Variants in ABCB8 observed in about 807,000 individuals in gnomAD.
ABCB8 encodes the protein mitochondrial potassium channel ATP-binding subunit.
ABCB8 carries 52 observed loss-of-function variants against 73.0 expected under a neutral mutation model. That is an observed-to-expected ratio of 0.71 (90% CI 0.57 to 0.90). The LOEUF is 0.90. Ranked by LOEUF, ABCB8 falls within the 40% of genes least tolerant of loss-of-function variation. The probability of loss-of-function intolerance (pLI) is 0.00; values close to 1 mark genes in which losing one functional copy is unlikely to be tolerated. For synonymous variants in ABCB8, 428 were observed against 423.5 expected (o/e 1.01, Z -0.13); for missense variants, 909 against 974.6 (o/e 0.93, Z 0.90).
chr7:151,034,042 T>A, intron 2 of ABCB8, 125 bp downstream of exon 2: 4 of 1,301,244 alleles, frequency 3.1e-6, no homozygotes, highest in Non-Finnish European at 4.1e-6. Context: ...TAGCCAGGGG[T>A]CCAGGGGTGC....
At position 151,046,235 on chromosome 7, in the gene ABCB8, C is replaced by A; in HGVS notation, c.*886C>A. ...CCACCTGGAGCTCTCTGCTTCCTGC[C>A]CACAGTGCTGACGAGTACAGAGCTA... On this transcript the variant is annotated 3_prime_UTR_variant, in exon 16 of 16. Transcript: ENST00000358849. The A allele has an allele frequency of 6.6e-6, 1 of 152,492 alleles. No homozygotes were observed. 9.4% of individuals were successfully genotyped at this position (152,492 alleles called of 1,614,324 possible).
intron 9 of ABCB8, chr7:151,039,100 G>T (rs1796388299): frequency 6.6e-6 from 1 of 152,224 alleles, no homozygotes; most frequent in Non-Finnish European, 1.5e-5. Flanking sequence ...CTGGGAACAG[G>T]CCCGTAGCCT....
At chr7:151,031,298 GTC>G (rs1563284890) in intron 1 of ABCB8, 2 of 1,547,992 alleles carry the variant, frequency 1.3e-6, no homozygotes, top group Non-Finnish European at 1.7e-6. Context: ...GAGAGTAAGC[GTC>G]TCTATCTTTC....
chr7:151,033,170 C>A, intron 1 of ABCB8: 1 of 447,886 alleles, frequency 2.2e-6, no homozygotes, highest in South Asian at 1.6e-5. Context: ...TGAGCAAGTC[C>A]AGTGCCGGGC....
intron 9 of ABCB8, 66 bp from the exon 10 acceptor site, chr7:151,040,202 C>T (rs1796417207): frequency 1.3e-6 from 2 of 1,575,278 alleles, no homozygotes; most frequent in Non-Finnish European, 1.7e-6. Context: ...CCCACCGTGG[C>T]TTCCTTCCCC....
chr7:151,035,878 G>A lies in ABCB8; in HGVS notation c.928-4G>A. On this transcript the variant is annotated splice_region_variant and splice_polypyrimidine_tract_variant and intron_variant, in intron 6 of 15. Transcript: ENST00000358849. Reference sequence around the variant, plus strand: ...CCTTGTCCTGTTTCCTGGACTCCTTGCAGATCGCCAGGGCAATGGGCGTAG... The same window carrying A: ...CCTTGTCCTGTTTCCTGGACTCCTTACAGATCGCCAGGGCAATGGGCGTAG... 6.2e-7 allele frequency: 1 copy of A among 1,613,048 alleles called. No individual in the cohort carries two copies. The highest frequency in any genetic ancestry group is 2.2e-5 in the East Asian group (1 of 44,884).
At chr7:151,040,691 G>A (rs1363608819) in intron 11 of ABCB8, 57 bp downstream of exon 11, 1 of 1,600,730 alleles carries the variant, frequency 6.2e-7, no homozygotes. Context: ...TGAGGCGAGT[G>A]GATTCGGGGG....
intron 7 of ABCB8, 37 bp from the exon 8 acceptor site, chr7:151,036,036 C>T (rs780971233): frequency 6.2e-7 from 1 of 1,612,774 alleles, no homozygotes; most frequent in Non-Finnish European, 8.5e-7. Flanking sequence ...TCGTGCCAGC[C>T]CAGCTGCCTC....
chr7:151,036,175 G>A lies in ABCB8; in HGVS notation c.1111+5G>A. 6.2e-7 allele frequency: 1 copy of A among 1,600,762 alleles called. No individual in the cohort carries two copies. The highest frequency in any genetic ancestry group is 8.5e-7 in the Non-Finnish European group (1 of 1,170,484). On this transcript the variant is annotated splice_donor_5th_base_variant and intron_variant, in intron 8 of 15. Coordinates refer to ENST00000358849, the MANE Select transcript of ABCB8 (RefSeq NM_007188.5). ...TTTCCAACATCGCCTTCAACTGTGA[G>A]TGAGCCATTTGGGGGCTGGAGGGGC...
chr7:151,041,090 A>G lies in ABCB8; in HGVS notation c.1484-9A>G, dbSNP rs1796449141. 3 of 1,613,260 alleles carry G rather than the reference A, an allele frequency of 1.9e-6. No individual in the cohort carries two copies. The highest frequency in any genetic ancestry group is 2.5e-6 in the Non-Finnish European group (3 of 1,179,864). ...CCTGGCCTCCCTCCCTCTCAACCCA[A>G]TTCCCCAGGAAAGACCACCGTGGCT... On this transcript the variant is annotated splice_polypyrimidine_tract_variant and intron_variant, in intron 12 of 15. Coordinates refer to ENST00000358849, the MANE Select transcript of ABCB8 (RefSeq NM_007188.5).
Position 151,028,613 on chromosome 7 carries a change from A to G in ABCB8, c.95+3A>G, listed in dbSNP as rs750347204. 1 of 1,612,948 alleles carries G rather than the reference A, an allele frequency of 6.2e-7. No homozygotes were observed. The highest frequency in any genetic ancestry group is 1.1e-5 in the South Asian group (1 of 90,934). On this transcript the variant is annotated splice_donor_region_variant and intron_variant, in intron 1 of 15. Transcript: ENST00000358849. ...TTCCAGACATTCTCAGCTGTCAGGT[A>G]AAAACGGAAAAACCTACTCAGAGCG...
At chr7:151,036,850 C>A (rs769839568) in intron 9 of ABCB8, 2 of 757,460 alleles carry the variant, frequency 2.6e-6, no homozygotes, top group African/African-American at 3.4e-5. Flanking sequence ...GGGGCAGTGG[C>A]GCTGCAGCAG....
chr7:151,031,957 G>A (rs540923545), intron 1 of ABCB8, among the ~76,000 whole-genome samples: 83 of 152,200 alleles, frequency 5.5e-4, no homozygotes, highest in Admixed American at 2.6e-3. Flanking sequence ...GGCACATCTC[G>A]GCCTAAAAAT....
chr7:151,045,495 G>A lies in ABCB8; in HGVS notation c.*146G>A, dbSNP rs934000639. ...TGCTCCTGCTCACAATAAAGCCGGG[G>A]CCGAGCAGCTGGCAGGGGAGGCCAA... On this transcript the variant is annotated 3_prime_UTR_variant, in exon 16 of 16. Coordinates refer to ENST00000358849, the MANE Select transcript of ABCB8 (RefSeq NM_007188.5). 9.1e-7 allele frequency: 1 copy of A among 1,096,832 alleles called. No individual in the cohort carries two copies. Among genetic ancestry groups the A allele is most frequent in the Non-Finnish European group, 1.2e-6 (1 of 842,432 alleles). 67.9% of individuals were successfully genotyped at this position (1,096,832 alleles called of 1,614,324 possible). A position where few individuals can be genotyped will look rare whatever the true frequency, so the allele number is the denominator to read the frequency against.
At chr7:151,031,402 GGCCT>G (rs1477007940) in intron 1 of ABCB8, 2 of 1,392,834 alleles carry the variant, frequency 1.4e-6, no homozygotes, top group Non-Finnish European at 9.6e-7. Context: ...AAAAGGCACA[GGCCT>G]TCCTGAAAGC....
At chr7:151,037,632 G>C in intron 9 of ABCB8, 1 of 372,838 alleles carries the variant, frequency 2.7e-6, no homozygotes, top group East Asian at 6.3e-5. Context: ...CATCACCTCT[G>C]CCACCCCATC....
In ABCB8 at chr7:151,031,694, C is replaced by T. The variant is rs116975328; in HGVS notation, c.96-1911C>T. 824 of 155,372 alleles carry T rather than the reference C, an allele frequency of 5.3e-3. 1 individual carries two copies. Among genetic ancestry groups the T allele is most frequent in the Non-Finnish European group, 7.5e-3 (523 of 70,190 alleles). 9.6% of individuals were successfully genotyped at this position (155,372 alleles called of 1,614,324 possible). ...TTGTCCAGGCTGGAGTACGGTAGCA[C>T]GATCTTGGCTCGCTGTGACCTCCTC... On this transcript the variant is annotated intron_variant, in intron 1 of 15. Transcript: ENST00000358849.
chr7:151,037,857 C>G (rs1796353767), intron 9 of ABCB8: 1 of 169,078 alleles, frequency 5.9e-6, no homozygotes, highest in Admixed American at 5.6e-5. Flanking sequence ...GACGTTCCTC[C>G]CATTTCCGCA....
chr7:151,030,081 G>T (rs1796115705), intron 1 of ABCB8, among the ~76,000 whole-genome samples: 1 of 152,226 alleles, frequency 6.6e-6, no homozygotes, highest in African/African-American at 2.4e-5. Flanking sequence ...CAGTTCTTAG[G>T]AAAGAGTAAG....
Sources: gnomAD v4.1 joint callset for allele counts (sites outside exome capture counted in the v4.1 genomes callset) on GRCh38, gnomAD v4.1.1 for gene constraint, MANE v1.5 for transcripts, NCBI Gene and HGNC (gene_info 2026-07-23, HGNC 2026-07-21) for gene names.